The following RNF130 variants were observed in gnomAD, a reference collection of about 807,000 sequenced individuals.
RNF130 encodes ring finger protein 130.
RNF130 carries 21 observed loss-of-function variants against 44.6 expected under a neutral mutation model. The observed-to-expected ratio is 0.47, with a 90% CI of 0.33 to 0.68. The LOEUF is 0.68. Ranked by LOEUF, RNF130 falls within the 30% of genes least tolerant of loss-of-function variation. The pLI, the probability that RNF130 is intolerant of heterozygous loss-of-function variation, is 0.02. For missense variants in RNF130, 479 were observed against 560.6 expected, an observed-to-expected ratio of 0.85 and a Z score of 1.47; for synonymous variants, 214 against 210.4, an observed-to-expected ratio of 1.02 and a Z score of -0.15.
intron 7 of RNF130, among the ~76,000 whole-genome samples, chr5:179,927,448 A>G (rs1019610882): frequency 1.3e-5 from 2 of 152,194 alleles, no homozygotes; most frequent in Non-Finnish European, 2.9e-5. Flanking sequence ...GAATATACCT[A>G]CAAAATAATC....
chr5:179,934,785 C>T (rs1346709489), intron 7 of RNF130, among the ~76,000 whole-genome samples: 1 of 152,238 alleles, frequency 6.6e-6, no homozygotes, highest in East Asian at 1.9e-4. Context: ...TAATGTGATC[C>T]TCCATGCCTC....
chr5:180,039,566 A>C (rs564426528), intron 2 of RNF130, among the ~76,000 whole-genome samples: 187 of 152,344 alleles, frequency 1.2e-3, no homozygotes, highest in African/African-American at 4.3e-3. Flanking sequence ...ACTAAAGTTG[A>C]AATCCATCTG....
chr5:179,968,589 C>T (rs1762505791), intron 6 of RNF130, among the ~76,000 whole-genome samples: 1 of 150,230 alleles, frequency 6.7e-6, no homozygotes, highest in Non-Finnish European at 1.5e-5. Context: ...CTGCTTGAAC[C>T]TGGGAGGTGG....
chr5:179,965,047 T>C (rs901898869), intron 7 of RNF130, among the ~76,000 whole-genome samples: 3 of 152,234 alleles, frequency 2.0e-5, no homozygotes, highest in Non-Finnish European at 2.9e-5. Flanking sequence ...TTGGAGACTT[T>C]TATATATGAT....
chr5:179,970,518 T>C lies in RNF130; in HGVS notation c.849-12A>G, dbSNP rs749323680. On this transcript the variant is annotated splice_polypyrimidine_tract_variant and intron_variant, in intron 5 of 8. Transcript: ENST00000521389. ...TGTGGAAAACATGCCTATAAAATAATGGAGAATTATGTCACAAGTTACATA... is the reference window on the plus strand; with the variant it reads ...TGTGGAAAACATGCCTATAAAATAACGGAGAATTATGTCACAAGTTACATA... 7 of 1,587,738 alleles carry C rather than the reference T, an allele frequency of 4.4e-6. No homozygotes were observed. The highest frequency in any genetic ancestry group is 3.4e-5 in the Admixed American group (2 of 58,130).
At chr5:179,912,783 G>A (rs1336862894) in exon 8 of RNF130, 1 of 152,282 alleles carries the variant, frequency 6.6e-6, no homozygotes. Flanking sequence ...CCAGTCATTG[G>A]AGAAGTCCTT....
chr5:180,037,049 T>C (rs939238460), intron 2 of RNF130, among the ~76,000 whole-genome samples: 4 of 152,236 alleles, frequency 2.6e-5, no homozygotes, highest in Non-Finnish European at 5.9e-5. Flanking sequence ...CAACTATAAA[T>C]ATTCTTCTAT....
chr5:179,974,856 G>C (rs937314137), intron 5 of RNF130, among the ~76,000 whole-genome samples: 6 of 152,248 alleles, frequency 3.9e-5, no homozygotes, highest in Admixed American at 1.3e-4. Context: ...GGGAGGAGCG[G>C]CATGGACCGC....
chr5:179,946,939 C>G (rs1297229233), intron 7 of RNF130, among the ~76,000 whole-genome samples: 1 of 152,120 alleles, frequency 6.6e-6, no homozygotes, highest in Non-Finnish European at 1.5e-5. Context: ...CACCCTAGCT[C>G]CCGTTATTTC....
chr5:179,947,461 CT>C (rs1294031907), intron 7 of RNF130, among the ~76,000 whole-genome samples: 3 of 152,216 alleles, frequency 2.0e-5, no homozygotes, highest in African/African-American at 7.2e-5. Context: ...CAGCCTGCCC[CT>C]GACACTTGGT....
At position 179,966,865 on chromosome 5, in the gene RNF130, G is replaced by A. The variant is rs779423848; in HGVS notation, c.1091C>T (p.Pro364Leu). The change falls in exon 7 of 9, where the codon CCT (proline) becomes CTT (leucine). Residue 364 changes from proline to leucine, a missense_variant. Physicochemically the swap from Pro to Leu is moderately conservative, Grantham distance 98 (BLOSUM62 -3). This residue lies in a region of RNF130 where 161 missense variants were observed against 158.6 expected (regional missense o/e 1.02). Transcript: ENST00000521389. ...LEPLRTSGISPLPQDGELTPR... is the reference protein window; with the variant it reads ...LEPLRTSGISLLPQDGELTPR... ...AGTGAGCTCCCCATCCTGAGGAAGA[G>A]GTGAGATCCCCGAAGTTCGAAGTGG... 2 of 1,614,198 alleles carry A rather than the reference G, an allele frequency of 1.2e-6. No homozygotes were observed. Among genetic ancestry groups the A allele is most frequent in the East Asian group, 2.2e-5 (1 of 44,876 alleles).
intron 2 of RNF130, among the ~76,000 whole-genome samples, chr5:180,024,529 C>T (rs1166683108): frequency 6.6e-6 from 1 of 152,058 alleles, no homozygotes; most frequent in African/African-American, 2.4e-5. Context: ...CAACAAACAA[C>T]ACCTTTGAAG....
intron 1 of RNF130, among the ~76,000 whole-genome samples, chr5:180,054,036 C>T (rs1420782124): frequency 6.6e-6 from 1 of 151,830 alleles, no homozygotes; most frequent in East Asian, 1.9e-4. Context: ...AGGATGGGCT[C>T]CATCTCTTGA....
exon 8 of RNF130, chr5:179,911,832 T>C (rs1761471842): frequency 6.6e-6 from 1 of 152,182 alleles, no homozygotes. Flanking sequence ...TGAGATCTGA[T>C]TGTCAAGAAC....
chr5:180,059,159 T>A (rs895412936), intron 1 of RNF130, among the ~76,000 whole-genome samples: 5 of 152,126 alleles, frequency 3.3e-5, no homozygotes, highest in Non-Finnish European at 7.4e-5. Context: ...ACATCACAGT[T>A]TTTGCACCTT....
intron 7 of RNF130, among the ~76,000 whole-genome samples, chr5:179,941,794 A>C (rs1761972049): frequency 6.6e-6 from 1 of 152,218 alleles, no homozygotes; most frequent in African/African-American, 2.4e-5. Flanking sequence ...CACCACAACA[A>C]GCTAGTCTGA....
intron 1 of RNF130, among the ~76,000 whole-genome samples, chr5:180,055,232 G>C (rs1764779148): frequency 9.2e-6 from 1 of 108,420 alleles, no homozygotes; most frequent in Non-Finnish European, 1.7e-5. Context: ...CTGGGCAACA[G>C]AGTGAGGTTC....
chr5:180,055,290 A>G (rs139030404), intron 1 of RNF130, among the ~76,000 whole-genome samples: 2 of 100,058 alleles, frequency 2.0e-5, no homozygotes, highest in East Asian at 7.5e-4. Flanking sequence ...ACAAAAAAAA[A>G]CAGCAAACAA....
At chr5:179,981,462 C>A (rs1762837466) in intron 3 of RNF130, among the ~76,000 whole-genome samples, 1 of 152,196 alleles carries the variant, frequency 6.6e-6, no homozygotes, top group Non-Finnish European at 1.5e-5. Context: ...TTTAAACACA[C>A]AAAAGAACAG....
Sources: gnomAD v4.1 joint callset for allele counts (sites outside exome capture counted in the v4.1 genomes callset) on GRCh38, gnomAD v4.1.1 for gene constraint, gnomAD v4.1.1 regional missense constraint, MANE v1.5 for transcripts, NCBI Gene and HGNC (gene_info 2026-07-23, HGNC 2026-07-21) for gene names.